The following GRM8 variants were observed in gnomAD, a reference collection of about 807,000 sequenced individuals.
GRM8 encodes the protein glutamate metabotropic receptor 8, also known as metabotropic glutamate receptor 8.
A neutral mutation model predicts 87.2 loss-of-function variants in GRM8; 47 were observed. The observed-to-expected ratio is 0.54, with a 90% confidence interval of 0.43 to 0.69. The LOEUF is 0.69. Among genes scored for constraint, GRM8 ranks in the 30% least tolerant of loss-of-function variants. GRM8 has a pLI of 0.00. For synonymous variants in GRM8, 396 were observed against 404.5 expected, an observed-to-expected ratio of 0.98 and a Z score of 0.25; for missense variants, 1,019 against 1,139.2, an observed-to-expected ratio of 0.89 and a Z score of 1.52.
At chr7:126,494,771 C>T (rs1348888081) in intron 9 of GRM8, among the ~76,000 whole-genome samples, 1 of 152,026 alleles carries the variant, frequency 6.6e-6, no homozygotes. Context: ...TTTCAAATTG[C>T]ACTTTTCTTG....
intron 3 of GRM8, among the ~76,000 whole-genome samples, chr7:126,914,851 C>T (rs1167522540): frequency 2.6e-5 from 4 of 152,158 alleles, no homozygotes; most frequent in Non-Finnish European, 1.5e-5. Flanking sequence ...CAACAGAAAC[C>T]TGATCCTCAG....
intron 3 of GRM8, among the ~76,000 whole-genome samples, chr7:127,039,868 G>A (rs565642154): frequency 5.7e-3 from 131 of 22,786 alleles, no homozygotes; most frequent in Non-Finnish European, 9.3e-3. Flanking sequence ...GGGGGAAGGC[G>A]AGGGGGAAGG....
rs375008204 is a variant in GRM8, at chr7:127,203,472, C to T, written c.510+39223G>A. ...CCTGTAATCCCAGCACCTTGGGAGG[C>T]CAAGGCGGGTGAATCACCTGAGGTG... On this transcript the variant is annotated intron_variant, in intron 2 of 10. Coordinates refer to ENST00000339582, the MANE Select transcript of GRM8 (RefSeq NM_000845.3). 3.5e-4 allele frequency among the ~76,000 whole-genome samples: 53 copies of T among 152,260 alleles called. No individual in the cohort carries two copies. The East Asian group carries it at 9.3e-3, about 27-fold the overall frequency.
At chr7:127,150,852 C>T (rs980927590) in intron 2 of GRM8, among the ~76,000 whole-genome samples, 3 of 152,040 alleles carry the variant, frequency 2.0e-5, no homozygotes, top group South Asian at 2.1e-4. Context: ...TTAGAGAAAC[C>T]CTCCAGATGT....
rs562642495 is a variant in GRM8, at chr7:126,719,572, T to C, written c.1357+50293A>G. 3.9e-5 allele frequency among the ~76,000 whole-genome samples: 6 copies of C among 152,274 alleles called. No individual in the cohort carries two copies. In the South Asian group the frequency reaches 1.0e-3, roughly 26 times the overall value. On this transcript the variant is annotated intron_variant, in intron 7 of 10. Transcript: ENST00000339582. ...TGTTGTAAGTCTGTGAGAGTCAACATGTGTGAAAAATAACAATGAAGGGCC... is the reference window on the plus strand; with the variant it reads ...TGTTGTAAGTCTGTGAGAGTCAACACGTGTGAAAAATAACAATGAAGGGCC...
intron 7 of GRM8, among the ~76,000 whole-genome samples, chr7:126,671,940 C>T (rs990387735): frequency 6.6e-6 from 1 of 152,198 alleles, no homozygotes; most frequent in African/African-American, 2.4e-5. Flanking sequence ...CCCGCTGAGA[C>T]ACATTTTTGT....
In GRM8 at chr7:127,242,772, C is replaced by A. The variant is rs376254689; in HGVS notation, c.433G>T (p.Asp145Tyr). The change falls in exon 2 of 11, where the codon GAC (aspartate) becomes TAC (tyrosine). Residue 145 changes from aspartate (D) to tyrosine (Y), a missense_variant. Transcript: ENST00000339582. The part of the protein sequence containing the change: ...NGDPPIFTKP[D>Y]KISGVIGAAA... The stretch of plus-strand genomic sequence containing the variant: ...GCACCTATGACGCCAGAAATCTTGT[C>A]GGGCTTGGTGAAAATGGGTGGATCT... 1 of 1,614,040 alleles carries A rather than the reference C, an allele frequency of 6.2e-7. No individual in the cohort carries two copies. The highest frequency in any genetic ancestry group is 1.3e-5 in the African/African-American group (1 of 74,922).
intron 7 of GRM8, among the ~76,000 whole-genome samples, chr7:126,721,137 T>C (rs1336590149): frequency 6.6e-6 from 1 of 152,242 alleles, no homozygotes; most frequent in Non-Finnish European, 1.5e-5. Context: ...CAGTGATTTT[T>C]CTTTTTATCC....
intron 7 of GRM8, among the ~76,000 whole-genome samples, chr7:126,610,219 T>C (rs17610889): frequency 0.32 from 48,723 of 152,086 alleles, 8,430 homozygotes; most frequent in East Asian, 0.43. Context: ...CTCACTTTTA[T>C]TTTCCCTCTT....
intron 8 of GRM8, among the ~76,000 whole-genome samples, chr7:126,559,149 G>GC (rs1793441216): frequency 8.0e-6 from 1 of 125,744 alleles, no homozygotes; most frequent in Non-Finnish European, 1.7e-5. Flanking sequence ...GTAATCTTTT[G>GC]CTTTTTTTTT....
At chr7:126,760,111 C>A (rs939219842) in intron 7 of GRM8, among the ~76,000 whole-genome samples, 1 of 152,116 alleles carries the variant, frequency 6.6e-6, no homozygotes, top group Non-Finnish European at 1.5e-5. Context: ...TTACTGCATC[C>A]CAGTTTAGAC....
chr7:126,787,410 C>T (rs1820734016), intron 6 of GRM8, among the ~76,000 whole-genome samples: 1 of 152,108 alleles, frequency 6.6e-6, no homozygotes, highest in South Asian at 2.1e-4. Flanking sequence ...TAGCAAAGGC[C>T]TACTTTCCTT....
At chr7:126,700,837 A>G (rs540860782) in intron 7 of GRM8, among the ~76,000 whole-genome samples, 6 of 152,318 alleles carry the variant, frequency 3.9e-5, no homozygotes, top group Non-Finnish European at 8.8e-5. Context: ...AACAGAGGAC[A>G]TAATTTTGTC....
chr7:126,492,910 C>T (rs746390913), intron 9 of GRM8, among the ~76,000 whole-genome samples: 2 of 151,984 alleles, frequency 1.3e-5, no homozygotes, highest in African/African-American at 4.8e-5. Flanking sequence ...AAAGCCTCTC[C>T]AAGTCCATTA....
intron 2 of GRM8, among the ~76,000 whole-genome samples, chr7:127,240,835 T>C (rs1471403106): frequency 6.6e-6 from 1 of 151,182 alleles, no homozygotes; most frequent in Non-Finnish European, 1.5e-5. Context: ...GATCCCAAGA[T>C]GTGGGAGGAA....
chr7:126,868,604 T>C (rs776758839), intron 6 of GRM8, among the ~76,000 whole-genome samples: 1 of 152,224 alleles, frequency 6.6e-6, no homozygotes, highest in African/African-American at 2.4e-5. Context: ...AGTGCACGTT[T>C]TGTTCTAGAC....
At chr7:127,052,411 G>A (rs12670241) in intron 3 of GRM8, among the ~76,000 whole-genome samples, 12,146 of 152,212 alleles carry the variant, frequency 0.08, 528 homozygotes, top group South Asian at 0.13. Context: ...GTTTACAATG[G>A]CCCCAGCAAA....
intron 7 of GRM8, among the ~76,000 whole-genome samples, chr7:126,681,711 A>G (rs1420514624): frequency 6.6e-6 from 1 of 152,220 alleles, no homozygotes; most frequent in Non-Finnish European, 1.5e-5. Context: ...TGCTAGATAC[A>G]TGCTTTAAGA....
intron 7 of GRM8, among the ~76,000 whole-genome samples, chr7:126,626,420 A>AT (rs1800695347): frequency 6.6e-6 from 1 of 152,186 alleles, no homozygotes; most frequent in South Asian, 2.1e-4. Context: ...GGTAAGGGAT[A>AT]TGAGGTAGAA....
Sources: gnomAD v4.1 joint callset for allele counts (sites outside exome capture counted in the v4.1 genomes callset) on GRCh38, gnomAD v4.1.1 for gene constraint, MANE v1.5 for transcripts, NCBI Gene and HGNC (gene_info 2026-07-23, HGNC 2026-07-21) for gene names.